The following DLGAP2 variants were observed in gnomAD, a reference collection of about 807,000 sequenced individuals.
DLGAP2 encodes the protein DLG associated protein 2.
Under a neutral mutation model 100.3 loss-of-function variants are expected in DLGAP2, and 26 were observed. That is an observed-to-expected ratio of 0.26 (90% confidence interval 0.19 to 0.36). The LOEUF (loss-of-function observed/expected upper bound fraction) is 0.36. Among genes scored for constraint, DLGAP2 ranks in the 10% least tolerant of loss-of-function variants. The pLI, the probability that DLGAP2 is intolerant of heterozygous loss-of-function variation, is 1.00. For missense variants in DLGAP2, 1,858 were observed against 1,453.2 expected, an observed-to-expected ratio of 1.28 and a Z score of -4.53; for synonymous variants, 886 against 630.1, an observed-to-expected ratio of 1.41 and a Z score of -6.08.
intron 2 of DLGAP2, among the ~76,000 whole-genome samples, chr8:908,360 C>T (rs1361789586): frequency 4.6e-5 from 7 of 152,138 alleles, no homozygotes; most frequent in Admixed American, 4.6e-4. Context: ...AATCTGTTTG[C>T]AGTCAAGGCC....
At chr8:809,923 C>G (rs544216458) in intron 1 of DLGAP2, among the ~76,000 whole-genome samples, 3 of 152,336 alleles carry the variant, frequency 2.0e-5, no homozygotes, top group Admixed American at 1.3e-4. Flanking sequence ...TGCTCTGGTG[C>G]TAATTTCTCT....
At chr8:1,003,181 G>C (rs1235663647) in intron 2 of DLGAP2, 3 of 152,236 alleles carry the variant, frequency 2.0e-5, no homozygotes, top group Non-Finnish European at 4.4e-5. Flanking sequence ...CACCGCTATG[G>C]GAGGACTCTA....
At chr8:1,416,712 G>A (rs1790797904) in intron 3 of DLGAP2, among the ~76,000 whole-genome samples, 1 of 152,180 alleles carries the variant, frequency 6.6e-6, no homozygotes, top group Non-Finnish European at 1.5e-5. Flanking sequence ...AGTAAAACAA[G>A]GAATCAAAAA....
At chr8:1,211,774 C>T (rs1181800529) in intron 2 of DLGAP2, among the ~76,000 whole-genome samples, 1 of 152,192 alleles carries the variant, frequency 6.6e-6, no homozygotes, top group African/African-American at 2.4e-5. Context: ...ACTCAGGAGG[C>T]TGAGGCAGGA....
intron 2 of DLGAP2, among the ~76,000 whole-genome samples, chr8:1,257,435 A>G (rs61674500): frequency 0.12 from 14,897 of 121,770 alleles, 2,004 homozygotes; most frequent in African/African-American, 0.34. Context: ...CTGCCCCTCC[A>G]CCCCCCCGCC....
chr8:1,583,409 TG>T (rs148820664), intron 6 of DLGAP2, among the ~76,000 whole-genome samples: 12,993 of 152,174 alleles, frequency 0.085, 961 homozygotes, highest in African/African-American at 0.2. Context: ...ACCACCATGC[TG>T]GGCAAGCTGG....
intron 2 of DLGAP2, among the ~76,000 whole-genome samples, chr8:1,257,291 C>G (rs1386011775): frequency 1.3e-5 from 2 of 152,168 alleles, no homozygotes; most frequent in Admixed American, 6.5e-5. Context: ...GGTCACCTTC[C>G]GAAGGAACCA....
chr8:1,071,136 T>A (rs1563176109), intron 2 of DLGAP2, among the ~76,000 whole-genome samples: 1 of 152,194 alleles, frequency 6.6e-6, no homozygotes, highest in Admixed American at 6.5e-5. Flanking sequence ...TGCAGCTGAC[T>A]GCAGCCCAGC....
chr8:1,324,217 A>G (rs747729325), intron 3 of DLGAP2, among the ~76,000 whole-genome samples: 1 of 152,196 alleles, frequency 6.6e-6, no homozygotes, highest in Non-Finnish European at 1.5e-5. Flanking sequence ...AAATTAGGAC[A>G]AACCACTGTC....
chr8:1,005,612 G>A (rs1384067277), intron 2 of DLGAP2, among the ~76,000 whole-genome samples: 4 of 148,428 alleles, frequency 2.7e-5, no homozygotes, highest in Non-Finnish European at 4.5e-5. Flanking sequence ...TAGAGATGAA[G>A]TTTCAATTTG....
At chr8:1,174,710 C>T (rs551850601) in intron 2 of DLGAP2, among the ~76,000 whole-genome samples, 33 of 151,986 alleles carry the variant, frequency 2.2e-4, no homozygotes, top group Admixed American at 5.9e-4. Flanking sequence ...ACCACTATCA[C>T]CATCACCACC....
intron 3 of DLGAP2, among the ~76,000 whole-genome samples, chr8:1,327,113 G>A (rs998199829): frequency 3.9e-5 from 6 of 152,250 alleles, no homozygotes; most frequent in South Asian, 2.1e-4. Flanking sequence ...TCCTGAGAGC[G>A]GAGCCTGCCT....
chr8:1,549,494 C>T lies in DLGAP2; in HGVS notation c.1041C>T (p.Asn347=), dbSNP rs759975919. The T allele has an allele frequency of 6.2e-6, 10 of 1,613,404 alleles. No homozygotes were observed. Among genetic ancestry groups the T allele is most frequent in the East Asian group, 4.5e-5 (2 of 44,874 alleles). ...CCCTCAAGACCTCCAAGAGCAACAA[C>T]GACGTCAAGTGCTCGGCCTGTGAGG... ...DLSLKTSKSN[N]DVKCSACEGL... is the part of the protein sequence containing the mutation. Residue 347 remains asparagine, a synonymous_variant, in exon 5 of 15, where the codon AAC becomes AAT. Transcript: ENST00000637795.
intron 3 of DLGAP2, among the ~76,000 whole-genome samples, chr8:1,276,435 G>A (rs908942884): frequency 6.6e-6 from 1 of 152,128 alleles, no homozygotes; most frequent in Non-Finnish European, 1.5e-5. Context: ...TTTGCTGAGT[G>A]GGTGCCGGGG....
At chr8:1,288,062 TAGG>T (rs1799980836) in intron 3 of DLGAP2, among the ~76,000 whole-genome samples, 12 of 125,622 alleles carry the variant, frequency 9.6e-5, no homozygotes, top group Admixed American at 1.7e-4. Flanking sequence ...ATGGTTCTGT[TAGG>T]AGGGGAACTA....
intron 1 of DLGAP2, among the ~76,000 whole-genome samples, chr8:841,903 T>A (rs1796990520): frequency 6.6e-6 from 1 of 152,222 alleles, no homozygotes; most frequent in South Asian, 2.1e-4. Flanking sequence ...GAGCACAGGA[T>A]ATAATAGAGT....
At chr8:767,969 G>C (rs2132601492) in intron 1 of DLGAP2, among the ~76,000 whole-genome samples, 1 of 152,300 alleles carries the variant, frequency 6.6e-6, no homozygotes, top group Middle Eastern at 3.4e-3. Context: ...AGTAACCAAA[G>C]ACATTAACTC....
intron 2 of DLGAP2, among the ~76,000 whole-genome samples, chr8:1,155,796 G>A (rs1002675439): frequency 1.3e-5 from 2 of 152,216 alleles, no homozygotes; most frequent in African/African-American, 4.8e-5. Context: ...GGGGGCAGGT[G>A]CTGCAGGCAT....
At chr8:801,576 T>C (rs1796152726) in intron 1 of DLGAP2, among the ~76,000 whole-genome samples, 1 of 152,178 alleles carries the variant, frequency 6.6e-6, no homozygotes, top group Admixed American at 6.5e-5. Flanking sequence ...GGGTCTTTCC[T>C]GAGTAGCTGT....
Sources: gnomAD v4.1 joint callset for allele counts (sites outside exome capture counted in the v4.1 genomes callset) on GRCh38, gnomAD v4.1.1 for gene constraint, MANE v1.5 for transcripts, NCBI Gene and HGNC (gene_info 2026-07-23, HGNC 2026-07-21) for gene names.